The following B3GALT1 variants were observed in gnomAD, a reference collection of about 807,000 sequenced individuals.
The protein encoded by B3GALT1 is UDP-Gal:betaGlcNAc beta 1,3-galactosyltransferase, polypeptide 1.
B3GALT1 carries 10 observed loss-of-function variants against 23.2 expected under a neutral mutation model. The ratio of observed to expected loss-of-function variants is 0.43; its 90% CI spans 0.27 to 0.73. The LOEUF (loss-of-function observed/expected upper bound fraction) is 0.73. Among genes scored for constraint, B3GALT1 ranks in the 30% least tolerant of loss-of-function variants. The probability of loss-of-function intolerance (pLI) is 0.21; values close to 1 mark genes in which losing one functional copy is unlikely to be tolerated. For synonymous variants in B3GALT1, 156 were observed against 141.5 expected (o/e 1.10, Z -0.73); for missense variants, 299 against 405.4 (o/e 0.74, Z 2.25).
intron 2 of B3GALT1, among the ~76,000 whole-genome samples, chr2:167,563,220 G>A (rs1226352256): frequency 1.4e-5 from 2 of 147,708 alleles, no homozygotes; most frequent in Non-Finnish European, 3.0e-5. Context: ...CTCCCAGCAG[G>A]TGCAGCCGGG....
chr2:167,800,504 GAT>G (rs1388748411), intron 3 of B3GALT1, among the ~76,000 whole-genome samples: 6 of 152,118 alleles, frequency 3.9e-5, no homozygotes, highest in Non-Finnish European at 7.4e-5. Context: ...AAAGCATAAA[GAT>G]ATACAAATAC....
intron 4 of B3GALT1, among the ~76,000 whole-genome samples, chr2:167,835,737 G>C (rs530579584): frequency 5.1e-4 from 78 of 152,204 alleles, no homozygotes; most frequent in Non-Finnish European, 8.2e-4. Context: ...CTCCTCAAGT[G>C]GGTCCCTGAC....
intron 2 of B3GALT1, among the ~76,000 whole-genome samples, chr2:167,512,584 A>ACG (rs1700031004): frequency 1.1e-5 from 1 of 87,986 alleles, no homozygotes; most frequent in Non-Finnish European, 2.2e-5. Flanking sequence ...ATATATGTAT[A>ACG]TATATATGTG....
At chr2:167,604,646 A>G (rs1684931782) in intron 2 of B3GALT1, among the ~76,000 whole-genome samples, 1 of 152,154 alleles carries the variant, frequency 6.6e-6, no homozygotes, top group Non-Finnish European at 1.5e-5. Flanking sequence ...ATAGACTTTA[A>G]GGAGGTAACT....
At chr2:167,702,327 C>T (rs552989539) in intron 3 of B3GALT1, among the ~76,000 whole-genome samples, 3 of 152,144 alleles carry the variant, frequency 2.0e-5, no homozygotes, top group Non-Finnish European at 4.4e-5. Flanking sequence ...GTATATTATT[C>T]CTGCATTACA....
intron 3 of B3GALT1, chr2:167,713,980 A>G (rs1687103837): frequency 1.7e-5 from 27 of 1,556,114 alleles, no homozygotes; most frequent in Non-Finnish European, 2.4e-5. Flanking sequence ...TGATTGCAGC[A>G]AGAGGTGGAG....
intron 4 of B3GALT1, among the ~76,000 whole-genome samples, chr2:167,826,631 G>A (rs1279443241): frequency 6.6e-6 from 1 of 152,140 alleles, no homozygotes; most frequent in African/African-American, 2.4e-5. Context: ...AGTCAAAGAT[G>A]GGGTGAGAGT....
intron 1 of B3GALT1, among the ~76,000 whole-genome samples, chr2:167,411,578 G>T (rs1559088526): frequency 6.6e-6 from 1 of 152,304 alleles, no homozygotes; most frequent in African/African-American, 2.4e-5. Flanking sequence ...ATCTGCTGGT[G>T]AGGTTGTAGA....
intron 4 of B3GALT1, among the ~76,000 whole-genome samples, chr2:167,859,438 T>G (rs566331429): frequency 7.2e-5 from 11 of 152,156 alleles, no homozygotes; most frequent in Admixed American, 2.0e-4. Flanking sequence ...TGAAGTATAC[T>G]TTCTCCTCAG....
At chr2:167,577,623 A>T (rs1054524867) in intron 2 of B3GALT1, among the ~76,000 whole-genome samples, 3 of 151,446 alleles carry the variant, frequency 2.0e-5, no homozygotes, top group Non-Finnish European at 4.4e-5. Context: ...CATAATGAAT[A>T]TTTTTTTTCC....
At chr2:167,691,160 C>T (rs571805877) in intron 3 of B3GALT1, among the ~76,000 whole-genome samples, 38 of 152,014 alleles carry the variant, frequency 2.5e-4, no homozygotes, top group African/African-American at 8.4e-4. Context: ...AACTAAAATC[C>T]TTATAAGTAG....
chr2:167,390,226 G>A (rs1030038851), intron 1 of B3GALT1, among the ~76,000 whole-genome samples: 1 of 152,142 alleles, frequency 6.6e-6, no homozygotes, highest in Non-Finnish European at 1.5e-5. Flanking sequence ...AGTTTGTGGG[G>A]GCTACAGAAG....
intron 3 of B3GALT1, among the ~76,000 whole-genome samples, chr2:167,804,839 C>G (rs1264267717): frequency 1.3e-5 from 2 of 152,144 alleles, no homozygotes; most frequent in African/African-American, 2.4e-5. Flanking sequence ...TGGGTATATA[C>G]CCAGTAATGG....
At chr2:167,777,402 A>G (rs1260036082) in intron 3 of B3GALT1, among the ~76,000 whole-genome samples, 2 of 152,190 alleles carry the variant, frequency 1.3e-5, no homozygotes, top group African/African-American at 4.8e-5. Context: ...GCTGGAGTGC[A>G]ATGGCACGAT....
intron 2 of B3GALT1, among the ~76,000 whole-genome samples, chr2:167,631,027 G>T: frequency 7.2e-6 from 1 of 138,130 alleles, no homozygotes; most frequent in South Asian, 2.5e-4. Flanking sequence ...AAAGGGGGGG[G>T]AATTTTACTT....
chr2:167,676,069 G>A (rs1310659569), intron 3 of B3GALT1, among the ~76,000 whole-genome samples: 2 of 151,838 alleles, frequency 1.3e-5, no homozygotes, highest in African/African-American at 2.4e-5. Context: ...GGCCCCCTAA[G>A]GGCCTAGACC....
chr2:167,398,918 G>A (rs1276339998), intron 1 of B3GALT1, among the ~76,000 whole-genome samples: 2 of 152,068 alleles, frequency 1.3e-5, no homozygotes, highest in African/African-American at 2.4e-5. Flanking sequence ...CGGTTCTGAT[G>A]CCAGTATATT....
intron 1 of B3GALT1, among the ~76,000 whole-genome samples, chr2:167,317,192 A>C (rs1015272772): frequency 5.3e-5 from 8 of 152,198 alleles, no homozygotes; most frequent in African/African-American, 1.9e-4. Context: ...AGACTGGAAC[A>C]TGTGGGCTAT....
intron 1 of B3GALT1, among the ~76,000 whole-genome samples, chr2:167,313,845 TC>T (rs1250097977): frequency 6.6e-6 from 1 of 152,184 alleles, no homozygotes; most frequent in East Asian, 1.9e-4. Context: ...ACTTAGGTTT[TC>T]TTTTACCATT....
Sources: gnomAD v4.1 joint callset for allele counts (sites outside exome capture counted in the v4.1 genomes callset) on GRCh38, gnomAD v4.1.1 for gene constraint, MANE v1.5 for transcripts, NCBI Gene and HGNC (gene_info 2026-07-23, HGNC 2026-07-21) for gene names.